STXBP5L: variants seen among roughly 807,000 people sequenced by gnomAD.
STXBP5L encodes the protein syntaxin-binding protein 5-like.
In STXBP5L, 65 loss-of-function variants were observed where a neutral mutation model predicts 144.5. The observed-to-expected ratio is 0.45, with a 90% confidence interval of 0.37 to 0.55. The LOEUF (loss-of-function observed/expected upper bound fraction) is 0.55. Among genes scored for constraint, STXBP5L ranks in the 20% least tolerant of loss-of-function variants. The probability of loss-of-function intolerance (pLI) is 0.00; values close to 1 mark genes in which losing one functional copy is unlikely to be tolerated. For missense variants in STXBP5L, 1,298 were observed against 1,405.5 expected (o/e 0.92, Z 1.22); for synonymous variants, 505 against 469.6 (o/e 1.08, Z -0.97).
At chr3:121,235,000 A>G (rs1559891490) in intron 12 of STXBP5L, among the ~76,000 whole-genome samples, 1 of 150,976 alleles carries the variant, frequency 6.6e-6, no homozygotes, top group Admixed American at 6.6e-5. Context: ...ATATATATAT[A>G]TATTTTTTTA....
intron 5 of STXBP5L, among the ~76,000 whole-genome samples, chr3:121,094,185 C>T (rs1319049484): frequency 6.6e-6 from 1 of 152,130 alleles, no homozygotes; most frequent in Non-Finnish European, 1.5e-5. Flanking sequence ...GAGAGCTTTA[C>T]TTCCAACTAT....
intron 5 of STXBP5L, among the ~76,000 whole-genome samples, chr3:121,071,698 T>G (rs2041818922): frequency 6.6e-6 from 1 of 152,224 alleles, no homozygotes; most frequent in Non-Finnish European, 1.5e-5. Flanking sequence ...TTGGAAGGGA[T>G]GTACTGCATC....
chr3:121,053,796 C>G (rs1237669574), intron 5 of STXBP5L, among the ~76,000 whole-genome samples: 1 of 152,030 alleles, frequency 6.6e-6, no homozygotes. Context: ...TCAGAGTGAA[C>G]AGGCAACCTA....
intron 3 of STXBP5L, among the ~76,000 whole-genome samples, chr3:121,016,920 T>G (rs1297635694): frequency 6.6e-6 from 1 of 152,200 alleles, no homozygotes; most frequent in African/African-American, 2.4e-5. Flanking sequence ...AGATGGAATA[T>G]TTCCAGTTCA....
At chr3:121,029,453 G>A (rs758022967) in intron 3 of STXBP5L, among the ~76,000 whole-genome samples, 1 of 152,092 alleles carries the variant, frequency 6.6e-6, no homozygotes, top group Non-Finnish European at 1.5e-5. Context: ...TTTTATAAAT[G>A]GTGTTGGGAA....
chr3:120,967,576 T>C (rs750487347), intron 3 of STXBP5L, among the ~76,000 whole-genome samples: 4 of 152,204 alleles, frequency 2.6e-5, no homozygotes, highest in Non-Finnish European at 5.9e-5. Flanking sequence ...TTTGTTGATA[T>C]TTGTTTAGTC....
intron 20 of STXBP5L, among the ~76,000 whole-genome samples, chr3:121,346,859 G>A (rs1390133776): frequency 6.6e-6 from 1 of 151,990 alleles, no homozygotes; most frequent in Non-Finnish European, 1.5e-5. Context: ...TTAGCCCTTT[G>A]TCAGATGAGT....
At position 121,212,741 on chromosome 3, in the gene STXBP5L, T is replaced by C. The variant is rs138470194; in HGVS notation, c.956+6740T>C. On this transcript the variant is annotated intron_variant, in intron 10 of 26. Transcript: ENST00000471454. The stretch of plus-strand genomic sequence containing the variant: ...TGAAATTTAAAGTAGCTTTTTCTAA[T>C]TCTGTGAAGAAAGTCAATGGTAGCT... Among the ~76,000 whole-genome samples, 423 of 152,316 alleles carry C rather than the reference T, an allele frequency of 2.8e-3. 5 individuals are homozygous for C. The highest frequency in any genetic ancestry group is 9.8e-3 in the African/African-American group (406 of 41,574).
At chr3:121,272,963 AAAC>A in intron 18 of STXBP5L, among the ~76,000 whole-genome samples, 1 of 152,182 alleles carries the variant, frequency 6.6e-6, no homozygotes, top group Non-Finnish European at 1.5e-5. Flanking sequence ...TTTATTAACA[AAAC>A]AACAAAATAT....
At chr3:120,977,122 T>C (rs1477365984) in intron 3 of STXBP5L, among the ~76,000 whole-genome samples, 1 of 152,242 alleles carries the variant, frequency 6.6e-6, no homozygotes, top group African/African-American at 2.4e-5. Context: ...GTCTCATTGA[T>C]CTGTCTAATG....
intron 3 of STXBP5L, among the ~76,000 whole-genome samples, chr3:121,031,419 C>CAAG: frequency 8.1e-6 from 1 of 123,500 alleles, no homozygotes; most frequent in Admixed American, 8.5e-5. Flanking sequence ...AATCAATCAA[C>CAAG]TATCTAGATT....
At chr3:120,934,081 TTTTC>T (rs956241498) in intron 2 of STXBP5L, among the ~76,000 whole-genome samples, 3 of 126,628 alleles carry the variant, frequency 2.4e-5, no homozygotes, top group Non-Finnish European at 3.5e-5. Context: ...CTTTCCCTAG[TTTTC>T]TTTTTCTTTT....
chr3:121,341,565 T>A (rs1247986513), intron 20 of STXBP5L, among the ~76,000 whole-genome samples: 3 of 152,108 alleles, frequency 2.0e-5, no homozygotes, highest in Non-Finnish European at 4.4e-5. Context: ...ATATCTGCAC[T>A]CCCATATATT....
rs775673000 is a variant in STXBP5L, at chr3:121,257,143, A to C, written c.1660-18A>C. 1 of 1,561,246 alleles carries C rather than the reference A, an allele frequency of 6.4e-7. No homozygotes were observed. Among genetic ancestry groups the C allele is most frequent in the South Asian group, 1.2e-5 (1 of 85,292 alleles). On this transcript the variant is annotated intron_variant, in intron 16 of 26. Coordinates refer to ENST00000471454, the MANE Select transcript of STXBP5L (RefSeq NM_001308330.2). ...TATTAGTGTGACTTAAATTAAATTT[A>C]AACTTGATTTTTTTAAGTCATTAGA...
chr3:120,979,550 C>T (rs1194875391), intron 3 of STXBP5L, among the ~76,000 whole-genome samples: 7 of 152,082 alleles, frequency 4.6e-5, no homozygotes, highest in African/African-American at 1.7e-4. Context: ...GTGCACTGCA[C>T]CCACTGTCCT....
intron 3 of STXBP5L, among the ~76,000 whole-genome samples, chr3:120,993,893 G>C (rs144907116): frequency 6.6e-6 from 1 of 151,790 alleles, no homozygotes; most frequent in Admixed American, 6.6e-5. Context: ...TGGGTAGTAT[G>C]GTCATTTAGA....
intron 5 of STXBP5L, among the ~76,000 whole-genome samples, chr3:121,102,764 A>G (rs989225843): frequency 5.3e-5 from 8 of 152,166 alleles, no homozygotes; most frequent in East Asian, 1.9e-4. Flanking sequence ...AGAAACAGAT[A>G]TACTACAGAA....
intron 3 of STXBP5L, among the ~76,000 whole-genome samples, chr3:120,987,757 A>G (rs1942430980): frequency 6.6e-6 from 1 of 151,680 alleles, no homozygotes; most frequent in African/African-American, 2.4e-5. Context: ...TAGTTTTATT[A>G]ATATTTTATT....
intron 7 of STXBP5L, among the ~76,000 whole-genome samples, chr3:121,134,981 ACT>A (rs1210879577): frequency 2.0e-5 from 3 of 150,024 alleles, no homozygotes. Flanking sequence ...GAATCGCCAC[ACT>A]GTCTTCCACA....
Sources: gnomAD v4.1 joint callset for allele counts (sites outside exome capture counted in the v4.1 genomes callset) on GRCh38, gnomAD v4.1.1 for gene constraint, MANE v1.5 for transcripts, NCBI Gene and HGNC (gene_info 2026-07-23, HGNC 2026-07-21) for gene names.